Variants in NDST3 observed in about 807,000 individuals in gnomAD.
NDST3 encodes N-deacetylase and N-sulfotransferase 3.
Under a neutral mutation model 96.1 loss-of-function variants are expected in NDST3, and 58 were observed. That is an observed-to-expected ratio of 0.60 (90% confidence interval 0.49 to 0.75). NDST3 has a LOEUF of 0.75. Among genes scored for constraint, NDST3 ranks in the 30% least tolerant of loss-of-function variants. NDST3 has a pLI of 0.00. For missense variants in NDST3, 788 were observed against 1,034.2 expected (o/e 0.76, Z 3.27); for synonymous variants, 333 against 359.7 (o/e 0.93, Z 0.84).
chr4:118,172,057 G>A (rs1421859148), intron 6 of NDST3, among the ~76,000 whole-genome samples: 1 of 152,178 alleles, frequency 6.6e-6, no homozygotes, highest in Non-Finnish European at 1.5e-5. Flanking sequence ...TTATTTAGTA[G>A]ACATTATAAA....
chr4:118,113,483 T>C (rs1001819255), intron 3 of NDST3, among the ~76,000 whole-genome samples: 20 of 152,218 alleles, frequency 1.3e-4, no homozygotes, highest in Admixed American at 2.6e-4. Context: ...TTGTTTCTTC[T>C]GTATACATTT....
chr4:118,072,037 G>GT (rs1021902189), intron 2 of NDST3, among the ~76,000 whole-genome samples: 28 of 152,002 alleles, frequency 1.8e-4, no homozygotes, highest in African/African-American at 6.3e-4. Context: ...TCAGATGGTT[G>GT]TAAGTGTGAG....
At chr4:118,134,597 G>A (rs796367618) in intron 4 of NDST3, among the ~76,000 whole-genome samples, 17 of 152,264 alleles carry the variant, frequency 1.1e-4, no homozygotes, top group African/African-American at 3.9e-4. Flanking sequence ...AGAGGAAAGA[G>A]GAGGTGTCAA....
chr4:118,236,141 G>C (rs1040088186), intron 9 of NDST3, among the ~76,000 whole-genome samples: 19 of 152,118 alleles, frequency 1.2e-4, no homozygotes, highest in African/African-American at 4.3e-4. Flanking sequence ...TGAATTGAAG[G>C]GGGTGGCAAT....
At chr4:118,127,077 A>G (rs994642434) in intron 4 of NDST3, among the ~76,000 whole-genome samples, 1 of 146,942 alleles carries the variant, frequency 6.8e-6, no homozygotes, top group Non-Finnish European at 1.5e-5. Context: ...TGAGTTTCTT[A>G]TATATTCTGG....
intron 1 of NDST3, among the ~76,000 whole-genome samples, chr4:118,038,573 T>G (rs1724276125): frequency 6.6e-6 from 1 of 152,334 alleles, no homozygotes; most frequent in South Asian, 2.1e-4. Flanking sequence ...TTAATTAACA[T>G]GACACAATTT....
At chr4:118,100,578 T>A (rs1279908642) in intron 2 of NDST3, among the ~76,000 whole-genome samples, 3 of 152,076 alleles carry the variant, frequency 2.0e-5, no homozygotes, top group Admixed American at 6.6e-5. Flanking sequence ...AAAGTGACAG[T>A]TAAATATTGA....
chr4:118,247,287 C>T (rs1157271736), intron 12 of NDST3, among the ~76,000 whole-genome samples: 1 of 151,742 alleles, frequency 6.6e-6, no homozygotes, highest in South Asian at 2.1e-4. Context: ...CATGGTGACT[C>T]ATTGCTGTAA....
intron 2 of NDST3, among the ~76,000 whole-genome samples, chr4:118,079,300 G>A (rs1236545669): frequency 6.6e-6 from 1 of 152,214 alleles, no homozygotes; most frequent in Non-Finnish European, 1.5e-5. Flanking sequence ...AACAGGGTCA[G>A]TGGGATGCAG....
intron 3 of NDST3, among the ~76,000 whole-genome samples, chr4:118,106,578 T>A (rs560202454): frequency 1.3e-5 from 2 of 152,054 alleles, no homozygotes; most frequent in South Asian, 2.1e-4. Flanking sequence ...CTGTGATACA[T>A]CTGGAATTGA....
intron 6 of NDST3, among the ~76,000 whole-genome samples, chr4:118,177,231 G>C (rs1736334817): frequency 6.6e-6 from 1 of 152,026 alleles, no homozygotes. Flanking sequence ...AGACAGTAAG[G>C]GCTCCTGGTA....
chr4:118,148,392 T>TA (rs1734116210), intron 6 of NDST3, among the ~76,000 whole-genome samples: 1 of 152,164 alleles, frequency 6.6e-6, no homozygotes. Context: ...ATCAAACCAT[T>TA]AACCATCCCA....
intron 1 of NDST3, among the ~76,000 whole-genome samples, chr4:118,042,512 C>T (rs2110427680): frequency 6.6e-6 from 1 of 152,280 alleles, no homozygotes; most frequent in South Asian, 2.1e-4. Flanking sequence ...CACTAATCAT[C>T]TGTAAACACT....
intron 6 of NDST3, among the ~76,000 whole-genome samples, chr4:118,169,391 A>T (rs1330992255): frequency 5.3e-5 from 8 of 152,190 alleles, no homozygotes; most frequent in East Asian, 1.9e-4. Context: ...AAAAATATAC[A>T]TCTATAAAAG....
intron 6 of NDST3, among the ~76,000 whole-genome samples, chr4:118,179,738 C>A (rs113471389): frequency 0.012 from 1,822 of 151,894 alleles, 32 homozygotes; most frequent in African/African-American, 0.042. Flanking sequence ...TCCCATCTCC[C>A]CAGAAAAAAA....
intron 2 of NDST3, among the ~76,000 whole-genome samples, chr4:118,090,614 T>C (rs1431351715): frequency 2.6e-5 from 4 of 151,960 alleles, no homozygotes; most frequent in Non-Finnish European, 1.5e-5. Context: ...CAAAACATGA[T>C]GCTGAAATCT....
intron 1 of NDST3, among the ~76,000 whole-genome samples, chr4:118,044,392 A>G (rs1200307434): frequency 6.6e-6 from 1 of 152,250 alleles, no homozygotes; most frequent in Non-Finnish European, 1.5e-5. Flanking sequence ...CTGTATCTAT[A>G]CCAGAGCATT....
intron 6 of NDST3, among the ~76,000 whole-genome samples, chr4:118,201,589 G>A (rs953485624): frequency 6.6e-6 from 1 of 152,120 alleles, no homozygotes; most frequent in Non-Finnish European, 1.5e-5. Context: ...CGTCTTTTGA[G>A]AAGTATGTGT....
chr4:118,150,299 G>C (rs1734296975), intron 6 of NDST3, among the ~76,000 whole-genome samples: 1 of 152,108 alleles, frequency 6.6e-6, no homozygotes, highest in Admixed American at 6.6e-5. Flanking sequence ...GAAAACCTAG[G>C]CATTACCATT....
Sources: allele counts gnomAD v4.1 joint callset (sites outside exome capture counted in the v4.1 genomes callset), GRCh38; gene constraint gnomAD v4.1.1; transcripts MANE v1.5; gene names NCBI Gene and HGNC (gene_info 2026-07-23, HGNC 2026-07-21).